STON1: variants seen among roughly 807,000 people sequenced by gnomAD.
The protein encoded by STON1 is stonin 1, also known as stonin-1.
STON1 carries 79 observed loss-of-function variants against 60.9 expected under a neutral mutation model. The ratio of observed to expected loss-of-function variants is 1.30; its 90% CI spans 1.08 to 1.56. The LOEUF (loss-of-function observed/expected upper bound fraction) is 1.56, where lower values mean the gene tolerates loss of function less well. STON1 is among the 40% of genes most tolerant of loss of function. STON1 has a pLI of 0.00. For synonymous variants in STON1, 363 were observed against 306.9 expected (o/e 1.18, Z -1.91); for missense variants, 1,166 against 858.9 (o/e 1.36, Z -4.47).
At position 48,593,644 on chromosome 2, in the gene STON1, A is replaced by G. The variant is rs548230824; in HGVS notation, c.2134-1584A>G. ...CCTCTCAAATAGCATTTTAAAATCT[A>G]TGTGTTGCTTGACTTGCAGCAAAGA... On this transcript the variant is annotated intron_variant, in intron 3 of 3. Transcript: ENST00000404752. Among the ~76,000 whole-genome samples the G allele has an allele frequency of 1.6e-3, 246 of 152,290 alleles. 5 individuals are homozygous for G. The South Asian group carries it at 0.049, about 30-fold the overall frequency.
intron 3 of STON1, among the ~76,000 whole-genome samples, chr2:48,594,364 A>T (rs1674685554): frequency 6.6e-6 from 1 of 152,162 alleles, no homozygotes; most frequent in Non-Finnish European, 1.5e-5. Context: ...ATTACTTTAC[A>T]AAGTATCTCT....
chr2:48,548,019 C>T (rs905583638), intron 1 of STON1, among the ~76,000 whole-genome samples: 5 of 152,244 alleles, frequency 3.3e-5, no homozygotes, highest in African/African-American at 1.2e-4. Context: ...CATAGCCCTT[C>T]CTTTTGTGAA....
At chr2:48,552,756 T>C (rs1409558630) in intron 1 of STON1, among the ~76,000 whole-genome samples, 1 of 152,004 alleles carries the variant, frequency 6.6e-6, no homozygotes, top group Non-Finnish European at 1.5e-5. Flanking sequence ...GGCAACAGAG[T>C]GAGACTCCAT....
At chr2:48,578,779 C>G (rs1673698138) in intron 1 of STON1, among the ~76,000 whole-genome samples, 1 of 151,664 alleles carries the variant, frequency 6.6e-6, no homozygotes, top group Non-Finnish European at 1.5e-5. Context: ...TTAGTAGAGA[C>G]TGGGTTTTGC....
intron 1 of STON1, among the ~76,000 whole-genome samples, chr2:48,574,006 C>T (rs1673346621): frequency 6.6e-6 from 1 of 152,106 alleles, no homozygotes; most frequent in East Asian, 1.9e-4. Flanking sequence ...TAGTGGTTTC[C>T]AGGGCCTGTG....
Position 48,558,648 on chromosome 2 carries a change from G to A in STON1, c.-47-21939G>A, listed in dbSNP as rs1429689184. Among the ~76,000 whole-genome samples, 4 of 152,160 alleles carry A rather than the reference G, an allele frequency of 2.6e-5. No homozygotes were observed. In the South Asian group the frequency reaches 8.3e-4, roughly 32 times the overall value. On this transcript the variant is annotated intron_variant, in intron 1 of 3. Transcript: ENST00000404752. ...AAATTCTTTTACACTGGCGTTAACT[G>A]GCACATAACTCAAATCAACAGAAAC...
At chr2:48,574,188 C>A (rs1284397474) in intron 1 of STON1, among the ~76,000 whole-genome samples, 7 of 151,902 alleles carry the variant, frequency 4.6e-5, no homozygotes, top group African/African-American at 1.7e-4. Flanking sequence ...CCAGCTTGGC[C>A]AACATGGTGA....
At chr2:48,535,062 C>T (rs1025025311) in intron 1 of STON1, among the ~76,000 whole-genome samples, 1 of 152,078 alleles carries the variant, frequency 6.6e-6, no homozygotes, top group Non-Finnish European at 1.5e-5. Flanking sequence ...TAAAGTAGAT[C>T]AGGCAAATTA....
At chr2:48,551,467 G>A (rs375925824) in intron 1 of STON1, among the ~76,000 whole-genome samples, 3 of 151,890 alleles carry the variant, frequency 2.0e-5, no homozygotes, top group South Asian at 4.1e-4. Flanking sequence ...GCCTTGTCTT[G>A]TTGGCTCAGC....
intron 2 of STON1, among the ~76,000 whole-genome samples, chr2:48,586,350 A>T (rs1448534968): frequency 1.3e-5 from 2 of 152,186 alleles, no homozygotes; most frequent in African/African-American, 4.8e-5. Context: ...ACAGACACAA[A>T]CATGATTCCT....
At chr2:48,580,536 C>G in intron 1 of STON1, 51 bp from the exon 2 acceptor site, 418 of 1,221,482 alleles carry the variant, frequency 3.4e-4, no homozygotes, top group Middle Eastern at 4.8e-4. Context: ...AGTAATGATT[C>G]CCCCCTTCAT....
Position 48,586,954 on chromosome 2 carries a change from A to G in STON1, c.1930+4391A>G, listed in dbSNP as rs1674243084. 2.6e-5 allele frequency among the ~76,000 whole-genome samples: 4 copies of G among 152,094 alleles called. No individual in the cohort carries two copies. The South Asian group carries it at 8.3e-4, about 32-fold the overall frequency. On this transcript the variant is annotated intron_variant, in intron 2 of 3. Transcript: ENST00000404752. The stretch of plus-strand genomic sequence containing the variant: ...ATGAGGGAAAGGGAGGGAATGGGAC[A>G]AGGTCAGGTGCTCTGGCTGTGGTGG...
chr2:48,578,581 C>CTTTTTTTTTTTTTTTTTTTTTTTTTTTT (rs59933765), intron 1 of STON1, among the ~76,000 whole-genome samples: 1 of 46,168 alleles, frequency 2.2e-5, no homozygotes, highest in African/African-American at 9.3e-5. Context: ...CTCCTCCTTC[C>CTTTTTTTTTTTTTTTTTTTTTTTTTTTT]TTTTTTTTTT....
chr2:48,564,466 T>C (rs1269505811), intron 1 of STON1, among the ~76,000 whole-genome samples: 51 of 56,686 alleles, frequency 9.0e-4, no homozygotes, highest in African/African-American at 2.8e-3. Context: ...TTCTTCTTCT[T>C]CTTCTTCTTC....
chr2:48,570,885 CAG>C (rs1673172554), intron 1 of STON1, among the ~76,000 whole-genome samples: 1 of 112,030 alleles, frequency 8.9e-6, no homozygotes, highest in Non-Finnish European at 1.7e-5. Flanking sequence ...TTTCCCCAGA[CAG>C]AGTCTTGCAC....
rs1671777554 is a variant in STON1, at chr2:48,544,347, G to T, written c.-48+14131G>T. On this transcript the variant is annotated intron_variant, in intron 1 of 3. Coordinates refer to ENST00000404752, the MANE Select transcript of STON1 (RefSeq NM_006873.4). The stretch of plus-strand genomic sequence containing the variant: ...AATAGCTTTTCCATTGCAGAGCTAA[G>T]TCAGGAGTTTCATGAGAAATTGAGC... Among the ~76,000 whole-genome samples the T allele has an allele frequency of 2.0e-5, 3 of 152,174 alleles. 1 individual carries two copies. Among genetic ancestry groups the T allele is most frequent in the Non-Finnish European group, 4.4e-5 (3 of 68,030 alleles).
Position 48,582,019 on chromosome 2 carries a change from G to T in STON1, c.1386G>T (p.Glu462Asp), listed in dbSNP as rs138179455. 6.2e-6 allele frequency: 10 copies of T among 1,614,168 alleles called. No homozygotes were observed. The African/African-American group carries it at 1.2e-4, about 19-fold the overall frequency. Residue 462 changes from glutamate to aspartate, a missense_variant, in exon 2 of 4, where the codon GAG becomes GAT. Transcript: ENST00000404752. ...GCTTTTTAACCTTGAATGACCTTGAGTTGCCGAAGCGAGATGAATCCTATT... is the reference window on the plus strand; with the variant it reads ...GCTTTTTAACCTTGAATGACCTTGATTTGCCGAAGCGAGATGAATCCTATT... ...LECFLTLNDL[E>D]LPKRDESYYE...
chr2:48,595,085 A>G (rs980562428), intron 3 of STON1, 143 bp from the exon 4 acceptor site: 3 of 678,746 alleles, frequency 4.4e-6, no homozygotes. Flanking sequence ...CTTGGAAGCT[A>G]CTGTAGGAGG....
intron 1 of STON1, among the ~76,000 whole-genome samples, chr2:48,556,843 G>A (rs1298323208): frequency 1.8e-5 from 1 of 56,328 alleles, no homozygotes; most frequent in African/African-American, 8.4e-5. Context: ...CCGGGTGGGG[G>A]GGCTGACCCC....
Sources: allele counts gnomAD v4.1 joint callset (sites outside exome capture counted in the v4.1 genomes callset), GRCh38; gene constraint gnomAD v4.1.1; transcripts MANE v1.5; gene names NCBI Gene and HGNC (gene_info 2026-07-23, HGNC 2026-07-21).